Variants in KALRN observed in about 807,000 individuals in gnomAD.
The protein encoded by KALRN is kalirin.
Under a neutral mutation model 353.7 loss-of-function variants are expected in KALRN, and 70 were observed. That is an observed-to-expected ratio of 0.20 (90% CI 0.16 to 0.24). KALRN has a LOEUF of 0.24. Ranked by LOEUF, KALRN falls within the 10% of genes least tolerant of loss-of-function variation. The pLI is 1.00. For synonymous variants in KALRN, 1,391 were observed against 1,434.8 expected, an observed-to-expected ratio of 0.97 and a Z score of 0.69; for missense variants, 2,791 against 3,756.7, an observed-to-expected ratio of 0.74 and a Z score of 6.72.
chr3:124,654,068 C>CAAG lies in KALRN; in HGVS notation c.5796-1532_5796-1531insAGA, dbSNP rs1167218256. Among the ~76,000 whole-genome samples the CAAG allele has an allele frequency of 2.0e-5, 3 of 152,240 alleles. No homozygotes were observed. In the East Asian group the frequency reaches 5.8e-4, roughly 29 times the overall value. On this transcript the variant is annotated intron_variant, in intron 38 of 59. Transcript: ENST00000682506. ...TTAGGATAAAAATATCGCCTGGAGA[C>CAAG]AGAGAGCTGGACTTCATCTCCAGAG...
intron 3 of KALRN, among the ~76,000 whole-genome samples, chr3:124,246,684 C>A (rs965343802): frequency 6.6e-5 from 10 of 152,146 alleles, no homozygotes; most frequent in African/African-American, 2.4e-4. Flanking sequence ...CTCTTTTAGG[C>A]TACTGTTGTC....
chr3:124,131,726 G>A (rs750302045), intron 1 of KALRN, among the ~76,000 whole-genome samples: 25 of 152,172 alleles, frequency 1.6e-4, no homozygotes, highest in Non-Finnish European at 2.8e-4. Context: ...AGCCACTGCC[G>A]GGAGGTCAGC....
chr3:124,242,003 G>A (rs928995787), intron 3 of KALRN, among the ~76,000 whole-genome samples: 4 of 152,210 alleles, frequency 2.6e-5, no homozygotes, highest in African/African-American at 9.7e-5. Flanking sequence ...TGGGAGAATG[G>A]CAGAGGATAG....
chr3:124,616,254 G>A (rs2078582020), intron 34 of KALRN, among the ~76,000 whole-genome samples: 1 of 152,112 alleles, frequency 6.6e-6, no homozygotes, highest in Non-Finnish European at 1.5e-5. Flanking sequence ...CTTCCCCCCA[G>A]CCTCTATAAT....
intron 1 of KALRN, among the ~76,000 whole-genome samples, chr3:124,184,216 G>A (rs181581147): frequency 3.9e-5 from 6 of 152,320 alleles, no homozygotes; most frequent in Middle Eastern, 3.4e-3. Context: ...GTAGCTCTGT[G>A]ACCTTGAGCA....
At chr3:124,494,079 G>C (rs1326549055) in intron 32 of KALRN, among the ~76,000 whole-genome samples, 1 of 152,200 alleles carries the variant, frequency 6.6e-6, no homozygotes, top group Non-Finnish European at 1.5e-5. Flanking sequence ...GGCTGACTAG[G>C]CTTATTTACC....
At chr3:124,330,501 G>C (rs2080439150) in intron 8 of KALRN, among the ~76,000 whole-genome samples, 1 of 152,140 alleles carries the variant, frequency 6.6e-6, no homozygotes, top group East Asian at 1.9e-4. Flanking sequence ...ACAGGGTGGA[G>C]ATAAGTGTTT....
At chr3:124,499,301 C>T (rs2064240475) in intron 33 of KALRN, among the ~76,000 whole-genome samples, 1 of 152,200 alleles carries the variant, frequency 6.6e-6, no homozygotes, top group South Asian at 2.1e-4. Context: ...AATCCCAGCT[C>T]TGACACTCTG....
intron 3 of KALRN, among the ~76,000 whole-genome samples, chr3:124,242,229 A>C (rs1219283950): frequency 6.6e-6 from 1 of 152,208 alleles, no homozygotes; most frequent in Non-Finnish European, 1.5e-5. Flanking sequence ...CAGTAAAAGT[A>C]ACAACTAGCA....
chr3:124,655,662 G>A lies in KALRN; in HGVS notation c.5857G>A (p.Val1953Met), dbSNP rs142800005. 6.8e-6 allele frequency: 11 copies of A among 1,613,676 alleles called. No homozygotes were observed. The highest frequency in any genetic ancestry group is 2.7e-5 in the African/African-American group (2 of 74,914). Residue 1953 changes from valine to methionine, a missense_variant, in exon 39 of 60, where the codon GTG becomes ATG. Val to Met is a conservative substitution (Grantham distance 21). Coordinates refer to ENST00000682506, the MANE Select transcript of KALRN (RefSeq NM_001388419.1). Reference protein sequence around the residue: ...KDYVKDLGIVVEGFMKRIEEK... With the variant: ...KDYVKDLGIVMEGFMKRIEEK... ...CTATGTCAAGGATCTGGGCATTGTG[G>A]TGGAGGTAAGTAGAGGGTTCCAGGT...
intron 5 of KALRN, 28 bp downstream of exon 5, chr3:124,269,283 C>A: frequency 6.4e-7 from 1 of 1,559,416 alleles, no homozygotes. Flanking sequence ...CAAACCTGAG[C>A]CGGGATGGGG....
chr3:124,095,451 T>C (rs2061384449), intron 1 of KALRN, among the ~76,000 whole-genome samples: 1 of 152,138 alleles, frequency 6.6e-6, no homozygotes, highest in Non-Finnish European at 1.5e-5. Flanking sequence ...ATATATAACA[T>C]CATATATGGT....
At chr3:124,298,674 ACTGGTT>A in intron 5 of KALRN, 111 bp from the exon 6 acceptor site, 3 of 1,154,124 alleles carry the variant, frequency 2.6e-6, no homozygotes, top group Non-Finnish European at 3.8e-6. Flanking sequence ...CAGAACAATA[ACTGGTT>A]CTCACTGAGC....
chr3:124,677,616 G>A (rs1305259604), intron 49 of KALRN: 6 of 456,526 alleles, frequency 1.3e-5, no homozygotes, highest in Non-Finnish European at 1.8e-5. Flanking sequence ...AGGTAAATGA[G>A]TGGTGCTCAA....
chr3:124,340,800 C>T (rs2081622678), intron 9 of KALRN, among the ~76,000 whole-genome samples: 1 of 152,044 alleles, frequency 6.6e-6, no homozygotes, highest in Admixed American at 6.5e-5. Flanking sequence ...ACTAAAAATA[C>T]AAAACATTAC....
chr3:124,170,646 G>T (rs1000284235), intron 1 of KALRN, among the ~76,000 whole-genome samples: 1 of 151,940 alleles, frequency 6.6e-6, no homozygotes, highest in Non-Finnish European at 1.5e-5. Context: ...ATCAATAAAA[G>T]CAAGCTCTAA....
chr3:124,410,545 C>A (rs1576689349), intron 13 of KALRN, among the ~76,000 whole-genome samples: 2 of 152,322 alleles, frequency 1.3e-5, no homozygotes, highest in East Asian at 3.9e-4. Flanking sequence ...CTTGAAAAGA[C>A]ATCTTACAAA....
rs536496805 is a variant in KALRN, at chr3:124,638,679, T to C, written c.5664+1376T>C. The stretch of plus-strand genomic sequence containing the variant: ...CATTGCCTGCCTTTTCTCTGCTAAG[T>C]CTGCCTTCACACCCAATTGGTCTTC... On this transcript the variant is annotated intron_variant, in intron 37 of 59. Coordinates refer to ENST00000682506, the MANE Select transcript of KALRN (RefSeq NM_001388419.1). Among the ~76,000 whole-genome samples the C allele has an allele frequency of 3.3e-5, 5 of 152,346 alleles. 1 individual carries two copies. The South Asian group carries it at 1.0e-3, about 32-fold the overall frequency.
In KALRN at chr3:124,657,789, C is replaced by T; in HGVS notation, c.6022C>T (p.Leu2008Phe). ...CCAGGAGCAAGACAGATTGGCACAG[C>T]TCTTTATTAAGCACGTGAGTGTCTC... ...CIQEQDRLAQ[L>F]FIKHERKLHI... is the part of the protein sequence containing the mutation. Residue 2008 changes from leucine (L) to phenylalanine (F), a missense_variant, in exon 41 of 60, where the codon CTC (leucine) becomes TTC (phenylalanine). Leu to Phe is a conservative substitution (Grantham distance 22, BLOSUM62 0). Around this residue, in one of 11 missense-constraint regions of KALRN, gnomAD observed 1,065 missense variants for 1,156.4 expected, o/e 0.92. Transcript: ENST00000682506. 1 of 1,612,334 alleles carries T rather than the reference C, an allele frequency of 6.2e-7. No homozygotes were observed. The highest frequency in any genetic ancestry group is 8.5e-7 in the Non-Finnish European group (1 of 1,178,362).
Sources: gnomAD v4.1 joint callset for allele counts (sites outside exome capture counted in the v4.1 genomes callset) on GRCh38, gnomAD v4.1.1 for gene constraint, gnomAD v4.1.1 regional missense constraint, MANE v1.5 for transcripts, NCBI Gene and HGNC (gene_info 2026-07-23, HGNC 2026-07-21) for gene names.